Variants in CSMD1 observed in about 807,000 individuals in gnomAD.
CSMD1 encodes CUB and Sushi multiple domains 1.
Under a neutral mutation model 417.5 loss-of-function variants are expected in CSMD1, and 213 were observed. The ratio of observed to expected loss-of-function variants is 0.51; its 90% CI spans 0.46 to 0.57. CSMD1 has a LOEUF of 0.57. Among genes scored for constraint, CSMD1 ranks in the 20% least tolerant of loss-of-function variants. CSMD1 has a pLI of 0.00. For missense variants in CSMD1, 6,923 were observed against 4,529.7 expected, an observed-to-expected ratio of 1.53 and a Z score of -15.17; for synonymous variants, 2,862 against 1,736.8, an observed-to-expected ratio of 1.65 and a Z score of -16.11.
intron 68 of CSMD1, 110 bp downstream of exon 68, chr8:2,949,189 T>C (rs1331592228): frequency 7.8e-6 from 5 of 638,140 alleles, no homozygotes; most frequent in Non-Finnish European, 1.4e-5. Context: ...GTCTCTCTCA[T>C]TATTTTTGTT....
chr8:4,013,987 GAAGA>G (rs1278310999), intron 4 of CSMD1, among the ~76,000 whole-genome samples: 23 of 152,136 alleles, frequency 1.5e-4, no homozygotes, highest in Non-Finnish European at 3.4e-4. Context: ...ACGTTCCTTG[GAAGA>G]AAGAATTAAC....
chr8:4,734,369 G>C (rs1563248968), intron 1 of CSMD1, among the ~76,000 whole-genome samples: 3 of 152,036 alleles, frequency 2.0e-5, no homozygotes, highest in South Asian at 2.1e-4. Context: ...AGCTTCCTCT[G>C]AGTGTTCTAT....
intron 1 of CSMD1, among the ~76,000 whole-genome samples, chr8:4,789,556 C>A (rs374155188): frequency 6.6e-6 from 1 of 152,126 alleles, no homozygotes; most frequent in African/African-American, 2.4e-5. Flanking sequence ...ACCACCAAAG[C>A]TTTTGTTCAC....
In CSMD1 at chr8:4,095,664, G is replaced by C. The variant is rs545892184; in HGVS notation, c.416-63565C>G. On this transcript the variant is annotated intron_variant, in intron 3 of 69. Transcript: ENST00000635120. ...GAAAACATCCACATTCAACAACTGA[G>C]GGTTCTTGTAAAATTAAAAGGTTAT... 1.4e-3 allele frequency among the ~76,000 whole-genome samples: 206 copies of C among 152,254 alleles called. 1 individual carries two copies. The highest frequency in any genetic ancestry group is 4.7e-3 in the African/African-American group (196 of 41,546).
intron 11 of CSMD1, among the ~76,000 whole-genome samples, chr8:3,485,761 AAAAAATAAAATAAAAT>A (rs1817992887): frequency 7.8e-6 from 1 of 127,686 alleles, no homozygotes; most frequent in Non-Finnish European, 1.6e-5. Context: ...CTCAGCCTCA[AAAAAATAAAATAAAAT>A]AAAATAAAAT....
chr8:3,594,039 G>A (rs750266188), intron 8 of CSMD1, among the ~76,000 whole-genome samples: 2 of 152,272 alleles, frequency 1.3e-5, no homozygotes, highest in Middle Eastern at 3.4e-3. Context: ...TTTGATTCAA[G>A]AAAAGGAATG....
At chr8:3,214,799 A>G in intron 29 of CSMD1, 108 bp from the exon 30 acceptor site, 1 of 683,910 alleles carries the variant, frequency 1.5e-6, no homozygotes, top group Non-Finnish European at 2.3e-6. Flanking sequence ...GCCTAGAACA[A>G]TGTCCTAAAT....
chr8:4,663,624 T>A (rs368247959), intron 1 of CSMD1, among the ~76,000 whole-genome samples: 4 of 152,162 alleles, frequency 2.6e-5, no homozygotes, highest in East Asian at 3.9e-4. Flanking sequence ...AAGACATGCC[T>A]ACTTTCCCTT....
chr8:4,385,725 T>C (rs80065894), intron 3 of CSMD1, among the ~76,000 whole-genome samples: 15,714 of 152,180 alleles, frequency 0.1, 902 homozygotes, highest in South Asian at 0.2. Flanking sequence ...ATTCAACCCA[T>C]ACGTTGAAAA....
chr8:4,824,003 T>A (rs1368025758), intron 1 of CSMD1, among the ~76,000 whole-genome samples: 1 of 151,476 alleles, frequency 6.6e-6, no homozygotes, highest in African/African-American at 2.4e-5. Context: ...TATACAATCA[T>A]GGACACACAC....
chr8:4,731,393 G>T (rs567358637), intron 1 of CSMD1, among the ~76,000 whole-genome samples: 84 of 152,140 alleles, frequency 5.5e-4, no homozygotes, highest in African/African-American at 1.9e-3. Flanking sequence ...CCCCACCTGT[G>T]CAAGTACTTT....
chr8:3,609,498 T>C (rs1024550096), intron 8 of CSMD1, among the ~76,000 whole-genome samples: 10 of 152,180 alleles, frequency 6.6e-5, no homozygotes, highest in Non-Finnish European at 2.9e-5. Flanking sequence ...TACATAATGA[T>C]AGAATTAATA....
At chr8:3,349,526 G>A (rs1808249516) in intron 21 of CSMD1, among the ~76,000 whole-genome samples, 1 of 151,954 alleles carries the variant, frequency 6.6e-6, no homozygotes, top group Non-Finnish European at 1.5e-5. Flanking sequence ...GCAGGCTTTG[G>A]ATGTGGCTCT....
At chr8:4,785,928 G>T (rs1227751004) in intron 1 of CSMD1, among the ~76,000 whole-genome samples, 3 of 152,112 alleles carry the variant, frequency 2.0e-5, no homozygotes, top group African/African-American at 4.8e-5. Context: ...ACCCTCCTCA[G>T]TCATGCCCCT....
At chr8:3,408,598 G>A (rs923447365) in intron 13 of CSMD1, among the ~76,000 whole-genome samples, 6 of 151,970 alleles carry the variant, frequency 3.9e-5, no homozygotes, top group Non-Finnish European at 7.4e-5. Context: ...GAACAATTCA[G>A]CCTGCTCTTT....
intron 3 of CSMD1, among the ~76,000 whole-genome samples, chr8:4,297,736 T>C (rs934300149): frequency 4.6e-5 from 7 of 152,164 alleles, no homozygotes; most frequent in Non-Finnish European, 1.0e-4. Flanking sequence ...GATCATTCAA[T>C]GGCACCACTA....
chr8:3,456,837 G>A (rs1317889181), intron 12 of CSMD1, among the ~76,000 whole-genome samples: 1 of 152,108 alleles, frequency 6.6e-6, no homozygotes, highest in Non-Finnish European at 1.5e-5. Context: ...CAAACTGGAT[G>A]CAGAACTGAA....
chr8:4,114,565 G>GCACGT (rs1554454289), intron 3 of CSMD1, among the ~76,000 whole-genome samples: 2 of 152,082 alleles, frequency 1.3e-5, no homozygotes, highest in Non-Finnish European at 2.9e-5. Context: ...CTTAATAAAT[G>GCACGT]CATAAGTCTA....
At position 3,997,894 on chromosome 8, in the gene CSMD1, G is replaced by C. The variant is rs377041114; in HGVS notation, c.818+9C>G. On this transcript the variant is annotated intron_variant, in intron 5 of 69. Transcript: ENST00000635120. ...TGTATCCTTTGTGGCATCTCTTCCCGGGACTTACCATATGGATGGAGCTTC... is the reference window on the plus strand; with the variant it reads ...TGTATCCTTTGTGGCATCTCTTCCCCGGACTTACCATATGGATGGAGCTTC... 3 of 1,608,650 alleles carry C rather than the reference G, an allele frequency of 1.9e-6. No individual in the cohort carries two copies. Among genetic ancestry groups the C allele is most frequent in the Non-Finnish European group, 2.5e-6 (3 of 1,177,074 alleles).
Sources: allele counts gnomAD v4.1 joint callset (sites outside exome capture counted in the v4.1 genomes callset), GRCh38; gene constraint gnomAD v4.1.1; transcripts MANE v1.5; gene names NCBI Gene and HGNC (gene_info 2026-07-23, HGNC 2026-07-21).